Variants in EPHX2 observed in about 807,000 individuals in gnomAD.
EPHX2 encodes the protein bifunctional epoxide hydrolase 2.
EPHX2 carries 74 observed loss-of-function variants against 78.7 expected under a neutral mutation model. That is an observed-to-expected ratio of 0.94 (90% CI 0.78 to 1.14). The LOEUF (loss-of-function observed/expected upper bound fraction) is 1.14. Among genes scored for constraint, EPHX2 ranks in the 50% most tolerant of loss-of-function variants. EPHX2 has a pLI of 0.00. For missense variants in EPHX2, 715 were observed against 702.5 expected (o/e 1.02, Z -0.20); for synonymous variants, 251 against 255.2 (o/e 0.98, Z 0.16).
At chr8:27,516,816 G>A (rs1814472248) in intron 8 of EPHX2, among the ~76,000 whole-genome samples, 1 of 152,046 alleles carries the variant, frequency 6.6e-6, no homozygotes, top group Non-Finnish European at 1.5e-5. Context: ...CTGCATATAA[G>A]TGGAATCATA....
intron 14 of EPHX2, 152 bp from the exon 15 acceptor site, chr8:27,540,402 C>T: frequency 1.6e-6 from 1 of 630,282 alleles, no homozygotes; most frequent in Non-Finnish European, 2.9e-6. Flanking sequence ...GAGATGGGAT[C>T]ACTCTGGCAA....
intron 13 of EPHX2, among the ~76,000 whole-genome samples, chr8:27,537,539 T>G (rs1187325028): frequency 1.3e-5 from 2 of 152,230 alleles, no homozygotes; most frequent in Non-Finnish European, 2.9e-5. Flanking sequence ...ATTAATTGTC[T>G]TAGCCAATTA....
chr8:27,507,913 C>A (rs7839733), intron 5 of EPHX2, among the ~76,000 whole-genome samples: 47,384 of 151,936 alleles, frequency 0.31, 11,599 homozygotes, highest in African/African-American at 0.69. Flanking sequence ...TGAGGATACC[C>A]GTCAGATTGC....
chr8:27,519,631 TG>T (rs528667480), intron 9 of EPHX2, among the ~76,000 whole-genome samples: 151 of 152,342 alleles, frequency 9.9e-4, no homozygotes, highest in African/African-American at 3.5e-3. Flanking sequence ...GGTGATGTCG[TG>T]AAGACTGATG....
Position 27,521,000 on chromosome 8 carries a change from C to T in EPHX2, c.972+91C>T, listed in dbSNP as rs150201545. The stretch of plus-strand genomic sequence containing the variant: ...GGCGTCAGCCTCGAGCAGAGGTGCA[C>T]GGGCAGGGAGGGCCCATTTTGGGGC... On this transcript the variant is annotated intron_variant, in intron 10 of 18. Transcript: ENST00000521400. The T allele has an allele frequency of 1.5e-3, 2,366 of 1,552,864 alleles. 15 individuals are homozygous for T. The African/African-American group carries it at 0.016, about 11-fold the overall frequency.
At chr8:27,547,197 G>C (rs1254149127), downstream of EPHX2, among the ~76,000 whole-genome samples, 1 of 152,140 alleles carries the variant, frequency 6.6e-6, no homozygotes, top group Non-Finnish European at 1.5e-5. Flanking sequence ...GGGCCATAAA[G>C]GACAGTGGAC....
At chr8:27,533,956 G>A (rs540160314) in intron 12 of EPHX2, among the ~76,000 whole-genome samples, 4 of 152,240 alleles carry the variant, frequency 2.6e-5, no homozygotes, top group South Asian at 2.1e-4. Flanking sequence ...GCAAAGCCCT[G>A]TCCAGGCTTC....
chr8:27,525,118 G>GCGCA (rs1290343599), intron 11 of EPHX2, among the ~76,000 whole-genome samples: 3 of 151,144 alleles, frequency 2.0e-5, no homozygotes, highest in African/African-American at 7.3e-5. Flanking sequence ...GCGCGCGCGC[G>GCGCA]CGCGCACCTA....
intron 14 of EPHX2, 44 bp from the exon 15 acceptor site, chr8:27,540,510 C>T: frequency 6.3e-7 from 1 of 1,583,552 alleles, no homozygotes. Context: ...AATGCAGACA[C>T]CTGGCCCGGG....
chr8:27,503,467 T>A, intron 2 of EPHX2, 137 bp from the exon 3 acceptor site: 1 of 1,023,290 alleles, frequency 9.8e-7, no homozygotes. Flanking sequence ...GGAGAACATA[T>A]GTTGGCATTT....
intron 5 of EPHX2, among the ~76,000 whole-genome samples, chr8:27,510,339 C>G (rs60319016): frequency 0.012 from 1,780 of 152,280 alleles, 32 homozygotes; most frequent in African/African-American, 0.041. Context: ...CAGTAGTGGG[C>G]TCCTTGTCAT....
intron 11 of EPHX2, 133 bp from the exon 12 acceptor site, chr8:27,525,229 C>T: frequency 2.8e-6 from 2 of 718,180 alleles, no homozygotes; most frequent in Non-Finnish European, 4.8e-6. Flanking sequence ...TTCTCCCATT[C>T]ACTGCTAGTG....
At chr8:27,546,837 T>G (rs2565050), downstream of EPHX2, among the ~76,000 whole-genome samples, 1 of 152,102 alleles carries the variant, frequency 6.6e-6, no homozygotes, top group East Asian at 1.9e-4. Context: ...AACGAACTAC[T>G]GGAGACTGGC....
chr8:27,505,283 T>C, intron 4 of EPHX2, 137 bp downstream of exon 4: 1 of 823,302 alleles, frequency 1.2e-6, no homozygotes, highest in Non-Finnish European at 1.9e-6. Context: ...GACCACGTCT[T>C]CTCCTAGAAG....
intron 3 of EPHX2, 132 bp downstream of exon 3, chr8:27,503,895 G>A: frequency 1.7e-6 from 2 of 1,166,488 alleles, no homozygotes; most frequent in Non-Finnish European, 2.3e-6. Context: ...CTTTAAACAT[G>A]GCCCCAAAGC....
chr8:27,526,924 G>A (rs989121401), intron 12 of EPHX2, among the ~76,000 whole-genome samples: 3 of 151,858 alleles, frequency 2.0e-5, no homozygotes, highest in Non-Finnish European at 4.4e-5. Context: ...CTCACTTTTT[G>A]TGTGTGTATT....
At chr8:27,513,088 C>T (rs1401417379) in intron 6 of EPHX2, among the ~76,000 whole-genome samples, 1 of 152,112 alleles carries the variant, frequency 6.6e-6, no homozygotes, top group East Asian at 1.9e-4. Context: ...CACTCACAAC[C>T]TCGGTGGTTT....
chr8:27,527,838 G>A (rs929197443), intron 12 of EPHX2, among the ~76,000 whole-genome samples: 1 of 152,132 alleles, frequency 6.6e-6, no homozygotes, highest in Non-Finnish European at 1.5e-5. Context: ...TATGTGCCAC[G>A]TGGTTCTAAT....
rs977518725 is a variant in EPHX2, at chr8:27,503,776, T to C, written c.346+13T>C. On this transcript the variant is annotated intron_variant, in intron 3 of 18. Transcript: ENST00000521400. ...CTCAGGAAGAAAGGTAAGGATCTGATACTGGCCAATCTCAGGCCGAACCAC... is the reference window on the plus strand; with the variant it reads ...CTCAGGAAGAAAGGTAAGGATCTGACACTGGCCAATCTCAGGCCGAACCAC... 2.4e-5 allele frequency: 39 copies of C among 1,606,866 alleles called. No homozygotes were observed. Among genetic ancestry groups the C allele is most frequent in the Non-Finnish European group, 3.1e-5 (37 of 1,178,888 alleles).
Sources: gnomAD v4.1 joint callset for allele counts (sites outside exome capture counted in the v4.1 genomes callset) on GRCh38, gnomAD v4.1.1 for gene constraint, MANE v1.5 for transcripts, NCBI Gene and HGNC (gene_info 2026-07-23, HGNC 2026-07-21) for gene names.